Variants in NANOS3 observed in about 807,000 individuals in gnomAD.
NANOS3 encodes nanos C2HC-type zinc finger 3.
Under a neutral mutation model 13.8 loss-of-function variants are expected in NANOS3, and 11 were observed. The ratio of observed to expected loss-of-function variants is 0.80; its 90% CI spans 0.50 to 1.32. NANOS3 has a LOEUF of 1.32. Among genes scored for constraint, NANOS3 ranks in the 40% most tolerant of loss-of-function variants. NANOS3 has a pLI of 0.00. For synonymous variants in NANOS3, 119 were observed against 115.4 expected (o/e 1.03, Z -0.20); for missense variants, 221 against 263.8 (o/e 0.84, Z 1.12).
At chr19:13,865,252 A>G (rs1435552732), upstream of NANOS3, among the ~76,000 whole-genome samples, 15 of 128,122 alleles carry the variant, frequency 1.2e-4, no homozygotes, top group Admixed American at 6.0e-4. Flanking sequence ...GGCGGCGGCC[A>G]CGGGTTCGAG....
At chr19:13,862,320 G>C (rs538593440), upstream of NANOS3, 2 of 152,406 alleles carry the variant, frequency 1.3e-5, no homozygotes, top group African/African-American at 4.8e-5. Context: ...AGAGTCCTCA[G>C]CTACCGTGGA....
At chr19:13,876,076 C>G (rs2145077937), upstream of NANOS3, among the ~76,000 whole-genome samples, 1 of 152,292 alleles carries the variant, frequency 6.6e-6, no homozygotes, top group South Asian at 2.1e-4. Flanking sequence ...GGAAAGGGCT[C>G]CCTCCCCAGC....
upstream of NANOS3, among the ~76,000 whole-genome samples, chr19:13,873,556 G>A (rs1421645853): frequency 6.6e-6 from 1 of 152,076 alleles, no homozygotes; most frequent in African/African-American, 2.4e-5. Context: ...GCAGCCTCGA[G>A]CCTCGAACTC....
chr19:13,869,152 G>A (rs538461223), intron 1 of NANOS3, among the ~76,000 whole-genome samples: 1 of 152,254 alleles, frequency 6.6e-6, no homozygotes, highest in South Asian at 2.1e-4. Context: ...CAGTAGAAGT[G>A]TCTGAATTTC....
intron 1 of NANOS3, among the ~76,000 whole-genome samples, chr19:13,871,974 G>A (rs929270927): frequency 6.6e-6 from 1 of 152,066 alleles, no homozygotes; most frequent in African/African-American, 2.4e-5. Context: ...ACTCCAGCCT[G>A]GGCAACAGAG....
At chr19:13,865,451 CCGGGCGGGCCGGGGGCA>C (rs1211753205) in intron 1 of NANOS3, 2 of 145,946 alleles carry the variant, frequency 1.4e-5, no homozygotes, top group Non-Finnish European at 3.0e-5. Context: ...AGCGCGGGCG[CCGGGCGGGCCGGGGGCA>C]CGGGCGGGGC....
chr19:13,879,351 C>T (rs1419094563), intron 1 of NANOS3, among the ~76,000 whole-genome samples: 1 of 152,174 alleles, frequency 6.6e-6, no homozygotes, highest in Non-Finnish European at 1.5e-5. Context: ...ACTGCCTCCC[C>T]CAGCAGACTG....
In NANOS3 at chr19:13,877,171, G is replaced by A. The variant is rs1416420053; in HGVS notation, c.-78G>A. On this transcript the variant is annotated 5_prime_UTR_variant, in exon 1 of 2. Transcript: ENST00000339133. ...GGGGAAGGAAGGGGCAGCAGAGAGG[G>A]GTCAGAAGGAGGGAGCTTAAGCCAG... is the stretch of plus-strand genomic sequence containing the variant. 105 of 1,227,544 alleles carry A rather than the reference G, an allele frequency of 8.6e-5. 2 individuals are homozygous for A. The highest frequency in any genetic ancestry group is 7.6e-4 in the South Asian group (56 of 73,702). The allele number at this position is 1,227,544 out of a possible 1,614,324, so 76.0% of individuals were successfully genotyped here.
chr19:13,873,499 C>T (rs1266949302), upstream of NANOS3, among the ~76,000 whole-genome samples: 1 of 152,028 alleles, frequency 6.6e-6, no homozygotes, highest in Non-Finnish European at 1.5e-5. Context: ...GACGGGGTCT[C>T]GTCCTGTGAC....
chr19:13,880,401 T>C, intron 1 of NANOS3, 41 bp from the exon 2 acceptor site: 1 of 1,598,908 alleles, frequency 6.3e-7, no homozygotes, highest in African/African-American at 1.3e-5. Context: ...CGTTGAGTCA[T>C]CGCCTGTGAT....
chr19:13,873,724 GC>G (rs1467297418), upstream of NANOS3, among the ~76,000 whole-genome samples: 2 of 152,126 alleles, frequency 1.3e-5, no homozygotes, highest in Non-Finnish European at 2.9e-5. Context: ...TCCCGCCTCA[GC>G]CTCCCAAAAT....
intron 1 of NANOS3, among the ~76,000 whole-genome samples, chr19:13,879,754 G>A (rs1968592726): frequency 6.6e-6 from 1 of 151,936 alleles, no homozygotes; most frequent in East Asian, 1.9e-4. Flanking sequence ...ACTGGTCATG[G>A]TGGCTCATGC....
chr19:13,874,550 C>T (rs1168265277), upstream of NANOS3: 5 of 366,464 alleles, frequency 1.4e-5, no homozygotes, highest in Admixed American at 3.5e-5. Flanking sequence ...TTTATATTTG[C>T]CTTGTGTTTT....
chr19:13,877,036 C>T (rs1344725922), upstream of NANOS3, among the ~76,000 whole-genome samples: 1 of 152,140 alleles, frequency 6.6e-6, no homozygotes, highest in Non-Finnish European at 1.5e-5. Flanking sequence ...TAGTGGGGCA[C>T]CAGGCCCCCC....
Position 13,877,390 on chromosome 19 carries a change from C to T in NANOS3, c.142C>T (p.Pro48Ser), listed in dbSNP as rs1196685080. The change falls in exon 1 of 2, where the codon CCG (proline) becomes TCG (serine). Residue 48 changes from proline (P) to serine (S), a missense_variant. Transcript: ENST00000339133. The stretch of plus-strand genomic sequence containing the variant: ...GCTGGAGCCGGTGTCAGCCCTGGAG[C>T]CGATGCCAGCGCCGGAGTCGGTGCC... Reference protein sequence around the residue: ...PMLEPVSALEPMPAPESVPVP... With the variant: ...PMLEPVSALESMPAPESVPVP... 16 of 1,612,312 alleles carry T rather than the reference C, an allele frequency of 9.9e-6. No homozygotes were observed. The highest frequency in any genetic ancestry group is 1.4e-5 in the Non-Finnish European group (16 of 1,179,996).
chr19:13,863,752 T>G (rs554649080), upstream of NANOS3, among the ~76,000 whole-genome samples: 1 of 152,162 alleles, frequency 6.6e-6, no homozygotes, highest in South Asian at 2.1e-4. Flanking sequence ...TTGGTGGGGT[T>G]GGGGGTCGGG....
intron 1 of NANOS3, among the ~76,000 whole-genome samples, chr19:13,865,719 A>G (rs1390248886): frequency 1.2e-4 from 16 of 136,666 alleles, no homozygotes; most frequent in Admixed American, 6.0e-4. Context: ...CGAGTCCCGG[A>G]GCCGGGGCCG....
intron 1 of NANOS3, 82 bp downstream of exon 1, chr19:13,877,847 C>G: frequency 6.8e-7 from 1 of 1,474,908 alleles, no homozygotes. Context: ...CCCCAGTACC[C>G]ACCTCCAAGG....
chr19:13,873,417 C>T (rs577323927), upstream of NANOS3, among the ~76,000 whole-genome samples: 7 of 151,778 alleles, frequency 4.6e-5, no homozygotes, highest in South Asian at 1.3e-3. Flanking sequence ...TTATGCCAGG[C>T]GGTTATTTTG....
Sources: allele counts gnomAD v4.1 joint callset (sites outside exome capture counted in the v4.1 genomes callset), GRCh38; gene constraint gnomAD v4.1.1; transcripts MANE v1.5; gene names NCBI Gene and HGNC (gene_info 2026-07-23, HGNC 2026-07-21).